The following CCDC149 variants were observed in gnomAD, a reference collection of about 807,000 sequenced individuals.
The protein encoded by CCDC149 is coiled-coil domain containing 149.
CCDC149 carries 45 observed loss-of-function variants against 59.9 expected under a neutral mutation model. That is an observed-to-expected ratio of 0.75 (90% confidence interval 0.59 to 0.96). The LOEUF (loss-of-function observed/expected upper bound fraction) is 0.96, where lower values mean the gene tolerates loss of function less well. CCDC149 is among the 40% of genes least tolerant of loss of function. CCDC149 has a pLI of 0.00. For missense variants in CCDC149, 584 were observed against 664.7 expected (o/e 0.88, Z 1.33); for synonymous variants, 245 against 260.6 (o/e 0.94, Z 0.58).
intron 1 of CCDC149, among the ~76,000 whole-genome samples, chr4:24,972,992 T>C (rs1724024877): frequency 6.6e-6 from 1 of 152,200 alleles, no homozygotes; most frequent in Non-Finnish European, 1.5e-5. Flanking sequence ...TGAAGCTTCA[T>C]CTATGTAACA....
chr4:24,956,203 T>C (rs1465572135), intron 1 of CCDC149, among the ~76,000 whole-genome samples: 1 of 117,166 alleles, frequency 8.5e-6, no homozygotes, highest in Non-Finnish European at 1.8e-5. Context: ...TCTTGTGAGA[T>C]GACAGCAAAC....
chr4:24,818,394 T>C (rs940032840), intron 12 of CCDC149, among the ~76,000 whole-genome samples: 2 of 152,102 alleles, frequency 1.3e-5, no homozygotes, highest in East Asian at 1.9e-4. Flanking sequence ...ACACTTTGAG[T>C]GTATTTTTAT....
intron 1 of CCDC149, among the ~76,000 whole-genome samples, chr4:24,902,666 G>A (rs2109308408): frequency 6.6e-6 from 1 of 152,258 alleles, no homozygotes; most frequent in South Asian, 2.1e-4. Flanking sequence ...CTACATTAGT[G>A]TCTAAGATCT....
At chr4:24,914,734 G>A (rs1016540209), upstream of CCDC149, among the ~76,000 whole-genome samples, 3 of 152,170 alleles carry the variant, frequency 2.0e-5, no homozygotes, top group African/African-American at 7.2e-5. Context: ...GTTTTAGGGC[G>A]ATTTGCTAGG....
At chr4:24,870,320 C>T (rs1184641071) in intron 3 of CCDC149, among the ~76,000 whole-genome samples, 1 of 152,204 alleles carries the variant, frequency 6.6e-6, no homozygotes, top group Non-Finnish European at 1.5e-5. Flanking sequence ...TACATGACAA[C>T]TTCATGAAGC....
intron 1 of CCDC149, among the ~76,000 whole-genome samples, chr4:24,911,342 C>A (rs1203595356): frequency 1.3e-5 from 2 of 152,208 alleles, no homozygotes; most frequent in African/African-American, 4.8e-5. Flanking sequence ...TCATGAAACC[C>A]CCAGGAGTTC....
chr4:24,971,490 G>A (rs1723967273), intron 1 of CCDC149, among the ~76,000 whole-genome samples: 2 of 152,382 alleles, frequency 1.3e-5, no homozygotes, highest in South Asian at 4.1e-4. Flanking sequence ...AGGCACGTTA[G>A]GTGGTCACCC....
intron 1 of CCDC149, among the ~76,000 whole-genome samples, chr4:24,936,457 G>A (rs1722781322): frequency 6.6e-6 from 1 of 151,756 alleles, no homozygotes; most frequent in African/African-American, 2.4e-5. Flanking sequence ...CCATGTTTAT[G>A]GGATATAATG....
intron 1 of CCDC149, among the ~76,000 whole-genome samples, chr4:24,885,312 T>C (rs1720096747): frequency 2.0e-5 from 3 of 152,084 alleles, no homozygotes; most frequent in Middle Eastern, 6.8e-3. Context: ...GACAGTACAG[T>C]GTGGGTGGAA....
chr4:24,901,597 A>G (rs752581280), intron 1 of CCDC149, among the ~76,000 whole-genome samples: 24 of 152,220 alleles, frequency 1.6e-4, no homozygotes, highest in Non-Finnish European at 2.2e-4. Flanking sequence ...TAATTTTAAT[A>G]AACTTACTCT....
At chr4:24,815,592 C>T (rs1046589777) in intron 12 of CCDC149, among the ~76,000 whole-genome samples, 2 of 152,150 alleles carry the variant, frequency 1.3e-5, no homozygotes, top group African/African-American at 2.4e-5. Flanking sequence ...AATTAATTAA[C>T]CTTACTCGTA....
chr4:24,803,987 T>C (rs1713999234), downstream of CCDC149, among the ~76,000 whole-genome samples: 1 of 152,216 alleles, frequency 6.6e-6, no homozygotes, highest in East Asian at 1.9e-4. This position sits in a 1 kb window ranked among gnomAD's most constrained non-coding sequence, Gnocchi z 4.3. Flanking sequence ...GAGCTCCCAA[T>C]TGCATCTCTC....
intron 1 of CCDC149, among the ~76,000 whole-genome samples, chr4:24,975,565 G>A (rs1724148304): frequency 7.3e-6 from 1 of 136,348 alleles, no homozygotes; most frequent in African/African-American, 3.2e-5. Context: ...GGAGAGGAGA[G>A]GGGAGGGGAA....
In CCDC149 at chr4:24,881,912, GC is replaced by G. The variant is rs1321266341; in HGVS notation, c.64-5216del. Among the ~76,000 whole-genome samples the G allele has an allele frequency of 4.6e-5, 7 of 152,282 alleles. No homozygotes were observed. In the South Asian group the frequency reaches 1.5e-3, roughly 32 times the overall value. ...GCATAATGTGCCAAGGGATTGCGAAGCCAGAATTGGAACCCAGCTCATTACA... is the reference window on the plus strand; with the variant it reads ...GCATAATGTGCCAAGGGATTGCGAAGCAGAATTGGAACCCAGCTCATTACA... On this transcript the variant is annotated intron_variant, in intron 1 of 12. Coordinates refer to ENST00000635206, the MANE Select transcript of CCDC149 (RefSeq NM_001330643.2).
chr4:24,899,228 T>G (rs908134228), intron 1 of CCDC149, among the ~76,000 whole-genome samples: 16 of 152,140 alleles, frequency 1.1e-4, no homozygotes, highest in African/African-American at 3.4e-4. Flanking sequence ...AGATGGATCT[T>G]AATGAATAAG....
intron 1 of CCDC149, among the ~76,000 whole-genome samples, chr4:24,937,887 C>T (rs1577494577): frequency 6.7e-6 from 1 of 149,920 alleles, no homozygotes; most frequent in African/African-American, 2.5e-5. Flanking sequence ...TCTTCTGACA[C>T]CAAATTCACA....
intron 4 of CCDC149, among the ~76,000 whole-genome samples, chr4:24,846,961 C>T (rs1007976302): frequency 2.0e-5 from 3 of 152,218 alleles, no homozygotes; most frequent in Admixed American, 6.5e-5. Context: ...CATGAATTGC[C>T]GCTTCTGGCA....
intron 1 of CCDC149, among the ~76,000 whole-genome samples, chr4:24,910,469 TAATTC>T (rs1721811690): frequency 6.6e-6 from 1 of 152,158 alleles, no homozygotes; most frequent in South Asian, 2.1e-4. Context: ...GCAGGATACA[TAATTC>T]AACTCACTAC....
intron 12 of CCDC149, among the ~76,000 whole-genome samples, chr4:24,813,518 A>ATG (rs1714798364): frequency 7.3e-6 from 1 of 137,444 alleles, no homozygotes; most frequent in Non-Finnish European, 1.5e-5. Context: ...ATATATATAT[A>ATG]TATATATATA....
Sources: gnomAD v4.1 joint callset for allele counts (sites outside exome capture counted in the v4.1 genomes callset) on GRCh38, gnomAD v4.1.1 for gene constraint, Gnocchi (gnomAD v3.1) non-coding constraint, MANE v1.5 for transcripts, NCBI Gene and HGNC (gene_info 2026-07-23, HGNC 2026-07-21) for gene names.